PTPRD: variants seen among roughly 807,000 people sequenced by gnomAD.
PTPRD encodes the protein receptor-type tyrosine-protein phosphatase delta.
In PTPRD, 34 loss-of-function variants were observed where a neutral mutation model predicts 214.5. The observed-to-expected ratio is 0.16, with a 90% CI of 0.12 to 0.21. The LOEUF (loss-of-function observed/expected upper bound fraction) is 0.21, where lower values mean the gene tolerates loss of function less well. Among genes scored for constraint, PTPRD ranks in the 10% least tolerant of loss-of-function variants. PTPRD has a pLI of 1.00. For missense variants in PTPRD, 2,545 were observed against 2,398.7 expected, an observed-to-expected ratio of 1.06 and a Z score of -1.27; for synonymous variants, 1,128 against 845.7, an observed-to-expected ratio of 1.33 and a Z score of -5.79.
intron 7 of PTPRD, among the ~76,000 whole-genome samples, chr9:9,647,929 T>C (rs966109036): frequency 1.3e-5 from 2 of 152,192 alleles, no homozygotes; most frequent in Non-Finnish European, 2.9e-5. Flanking sequence ...ACTTTAATTG[T>C]GTGTGGCTTC....
At chr9:9,980,205 C>T (rs924488239) in intron 4 of PTPRD, among the ~76,000 whole-genome samples, 13 of 151,616 alleles carry the variant, frequency 8.6e-5, no homozygotes, top group East Asian at 5.8e-4. Flanking sequence ...AACAGATTAC[C>T]GTAGTAGAAA....
chr9:10,211,821 G>A (rs1034494082), intron 3 of PTPRD, among the ~76,000 whole-genome samples: 3 of 152,066 alleles, frequency 2.0e-5, no homozygotes, highest in Non-Finnish European at 2.9e-5. Context: ...AGAGGGGGGT[G>A]AGGGATGAGA....
intron 2 of PTPRD, among the ~76,000 whole-genome samples, chr9:10,393,910 C>T (rs887222989): frequency 2.0e-5 from 3 of 148,166 alleles, no homozygotes; most frequent in Non-Finnish European, 3.0e-5. Flanking sequence ...TGGATATATA[C>T]ATTATGCTTG....
intron 7 of PTPRD, among the ~76,000 whole-genome samples, chr9:9,658,926 TGATTC>T (rs970066538): frequency 1.5e-4 from 23 of 152,120 alleles, no homozygotes; most frequent in African/African-American, 5.5e-4. Context: ...TCTGGCAGTT[TGATTC>T]AAGAGTTAGA....
chr9:9,650,132 A>G (rs1404727777), intron 7 of PTPRD, among the ~76,000 whole-genome samples: 3 of 152,202 alleles, frequency 2.0e-5, no homozygotes, highest in East Asian at 3.9e-4. Flanking sequence ...CACAACAATG[A>G]GATCTGAAGG....
chr9:9,141,335 C>A (rs2099860144), intron 10 of PTPRD, among the ~76,000 whole-genome samples: 1 of 151,662 alleles, frequency 6.6e-6, no homozygotes. Context: ...GATACTTGCA[C>A]TGGACCATAA....
chr9:9,933,835 T>C (rs1307305401), intron 5 of PTPRD, among the ~76,000 whole-genome samples: 1 of 149,146 alleles, frequency 6.7e-6, no homozygotes, highest in Non-Finnish European at 1.5e-5. Flanking sequence ...GAAGTAAAGG[T>C]CTCCTCAGAA....
intron 7 of PTPRD, among the ~76,000 whole-genome samples, chr9:9,722,096 C>T (rs2097960945): frequency 6.6e-6 from 1 of 151,822 alleles, no homozygotes; most frequent in African/African-American, 2.4e-5. Flanking sequence ...ATATATTTTA[C>T]ACACCATAAA....
chr9:9,948,803 C>T (rs2093112279), intron 4 of PTPRD, among the ~76,000 whole-genome samples: 1 of 151,860 alleles, frequency 6.6e-6, no homozygotes, highest in Non-Finnish European at 1.5e-5. Context: ...CTGATCTCAA[C>T]AGTAGGTATA....
intron 5 of PTPRD, among the ~76,000 whole-genome samples, chr9:9,923,220 T>G (rs2083152987): frequency 1.4e-5 from 2 of 146,568 alleles, no homozygotes; most frequent in Admixed American, 6.9e-5. Context: ...GATAGTGAGG[T>G]GTTGTATATT....
At chr9:8,458,467 T>TA (rs1403868007) in intron 33 of PTPRD, among the ~76,000 whole-genome samples, 1 of 152,166 alleles carries the variant, frequency 6.6e-6, no homozygotes, top group African/African-American at 2.4e-5. Flanking sequence ...TGTCATGTCA[T>TA]ATGGTCTAGA....
intron 11 of PTPRD, among the ~76,000 whole-genome samples, chr9:8,895,625 GC>G (rs2098602958): frequency 6.6e-6 from 1 of 152,118 alleles, no homozygotes; most frequent in Non-Finnish European, 1.5e-5. Flanking sequence ...CAATTCCTGT[GC>G]CCTGCATTCG....
At chr9:10,587,349 G>C (rs1288045892) in intron 2 of PTPRD, among the ~76,000 whole-genome samples, 3 of 152,108 alleles carry the variant, frequency 2.0e-5, no homozygotes, top group African/African-American at 7.2e-5. Context: ...CAATGGACCT[G>C]ATAAAGGCTC....
At chr9:8,799,424 G>A (rs995254195) in intron 11 of PTPRD, among the ~76,000 whole-genome samples, 4 of 152,188 alleles carry the variant, frequency 2.6e-5, no homozygotes, top group African/African-American at 9.7e-5. Context: ...AAGAGACCTG[G>A]AATTGTCCAG....
Position 8,484,711 on chromosome 9 carries a change from G to A in PTPRD, c.3154-333C>T, listed in dbSNP as rs962381915. Among the ~76,000 whole-genome samples, 49 of 145,112 alleles carry A rather than the reference G, an allele frequency of 3.4e-4. 1 individual carries two copies. Among genetic ancestry groups the A allele is most frequent in the African/African-American group, 8.4e-4 (32 of 38,096 alleles). On this transcript the variant is annotated intron_variant, in intron 29 of 45. Coordinates refer to ENST00000381196, the MANE Select transcript of PTPRD (RefSeq NM_002839.4). ...GTGCAGAAAAGCTCTACGTTTCAAC[G>A]TATTATGAATATTGCCTATTTTCTA...
chr9:9,712,239 AAAT>A (rs1284568715), intron 7 of PTPRD, among the ~76,000 whole-genome samples: 1 of 152,184 alleles, frequency 6.6e-6, no homozygotes, highest in Non-Finnish European at 1.5e-5. Flanking sequence ...CTGAGAAAGA[AAAT>A]AATAACATTT....
chr9:9,434,536 A>G (rs145781153), intron 8 of PTPRD, among the ~76,000 whole-genome samples: 177 of 152,290 alleles, frequency 1.2e-3, no homozygotes, highest in African/African-American at 4.0e-3. Flanking sequence ...TGAAGTTTAT[A>G]TGGAGCCACA....
intron 36 of PTPRD, among the ~76,000 whole-genome samples, chr9:8,403,689 C>T (rs2092684338): frequency 6.6e-6 from 1 of 152,202 alleles, no homozygotes; most frequent in South Asian, 2.1e-4. Context: ...CTCTGGAACA[C>T]ACTCCTTACT....
At chr9:10,356,299 C>T (rs1323309672) in intron 2 of PTPRD, among the ~76,000 whole-genome samples, 1 of 152,012 alleles carries the variant, frequency 6.6e-6, no homozygotes, top group African/African-American at 2.4e-5. Flanking sequence ...TTCCATGCTG[C>T]CCATGCCAAA....
Sources: allele counts gnomAD v4.1 joint callset (sites outside exome capture counted in the v4.1 genomes callset), GRCh38; gene constraint gnomAD v4.1.1; transcripts MANE v1.5; gene names NCBI Gene and HGNC (gene_info 2026-07-23, HGNC 2026-07-21).